Variants in LOXL2 observed in about 807,000 individuals in gnomAD.
The protein encoded by LOXL2 is lysyl oxidase like 2.
A neutral mutation model predicts 93.0 loss-of-function variants in LOXL2; 70 were observed. The ratio of observed to expected loss-of-function variants is 0.75; its 90% CI spans 0.62 to 0.92. LOXL2 has a LOEUF of 0.92. Ranked by LOEUF, LOXL2 falls within the 40% of genes least tolerant of loss-of-function variation. The pLI, the probability that LOXL2 is intolerant of heterozygous loss-of-function variation, is 0.00. For synonymous variants in LOXL2, 438 were observed against 413.2 expected (o/e 1.06, Z -0.73); for missense variants, 973 against 1,054.9 (o/e 0.92, Z 1.08).
At chr8:23,340,290 C>A (rs1803861016) in intron 4 of LOXL2, among the ~76,000 whole-genome samples, 1 of 152,154 alleles carries the variant, frequency 6.6e-6, no homozygotes. Flanking sequence ...GTATTCCTAT[C>A]ATTATTAAGA....
intron 1 of LOXL2, among the ~76,000 whole-genome samples, chr8:23,370,915 T>C (rs1360356659): frequency 6.6e-6 from 1 of 152,130 alleles, no homozygotes; most frequent in Non-Finnish European, 1.5e-5. Context: ...GAGGAAATAA[T>C]GGAAGAAATA....
At chr8:23,299,126 G>A (rs1803085687) in intron 12 of LOXL2, among the ~76,000 whole-genome samples, 179 bp from the exon 13 acceptor site, 1 of 152,198 alleles carries the variant, frequency 6.6e-6, no homozygotes, top group East Asian at 1.9e-4. Flanking sequence ...GAGTCAGGGA[G>A]CAGAGGAAGC....
chr8:23,303,272 G>T lies in LOXL2; in HGVS notation c.1996+10C>A. 1 of 1,576,376 alleles carries T rather than the reference G, an allele frequency of 6.3e-7. No individual in the cohort carries two copies. Among genetic ancestry groups the T allele is most frequent in the Non-Finnish European group, 8.7e-7 (1 of 1,146,246 alleles). ...CTGAGGCCTCCCATCCCCCCACTCCGCTCAGATACCTCCTTCACATTCTGT... is the reference window on the plus strand; with the variant it reads ...CTGAGGCCTCCCATCCCCCCACTCCTCTCAGATACCTCCTTCACATTCTGT... On this transcript the variant is annotated intron_variant, in intron 11 of 13. Transcript: ENST00000389131.
chr8:23,314,072 G>A (rs1803356165), intron 9 of LOXL2, among the ~76,000 whole-genome samples: 1 of 151,408 alleles, frequency 6.6e-6, no homozygotes, highest in Non-Finnish European at 1.5e-5. Flanking sequence ...TCAGAGAAAT[G>A]CAAATCAAAA....
At chr8:23,399,248 A>G (rs966165162) in intron 1 of LOXL2, among the ~76,000 whole-genome samples, 3 of 152,168 alleles carry the variant, frequency 2.0e-5, no homozygotes, top group African/African-American at 7.2e-5. Context: ...CCAGGGGGAA[A>G]TGGACGATGA....
intron 3 of LOXL2, among the ~76,000 whole-genome samples, chr8:23,346,139 A>AT (rs1803973423): frequency 1.1e-5 from 1 of 90,100 alleles, no homozygotes; most frequent in Non-Finnish European, 2.1e-5. Flanking sequence ...AAATAAAATA[A>AT]AATAAATAAA....
chr8:23,353,449 A>T (rs1804130258), intron 3 of LOXL2, among the ~76,000 whole-genome samples: 1 of 152,222 alleles, frequency 6.6e-6, no homozygotes, highest in Non-Finnish European at 1.5e-5. Flanking sequence ...TCTGTTTTAT[A>T]GGACAGTGTC....
chr8:23,386,514 T>C (rs767391477), intron 1 of LOXL2, among the ~76,000 whole-genome samples: 32 of 152,238 alleles, frequency 2.1e-4, no homozygotes, highest in Non-Finnish European at 4.0e-4. Flanking sequence ...TAGACTAATA[T>C]GGCAGACACA....
chr8:23,394,944 T>A (rs530760560), intron 1 of LOXL2, among the ~76,000 whole-genome samples: 13 of 152,232 alleles, frequency 8.5e-5, no homozygotes, highest in African/African-American at 3.1e-4. Flanking sequence ...AGTAACGAGA[T>A]ACTGACACAT....
chr8:23,399,294 C>T (rs1427411701), intron 1 of LOXL2, among the ~76,000 whole-genome samples: 3 of 152,118 alleles, frequency 2.0e-5, no homozygotes, highest in Non-Finnish European at 4.4e-5. Context: ...CAGGCAGCCC[C>T]TGGGAATGGG....
chr8:23,349,944 CTTTG>C (rs1395027764), intron 3 of LOXL2, among the ~76,000 whole-genome samples: 18 of 152,140 alleles, frequency 1.2e-4, no homozygotes, highest in Non-Finnish European at 1.0e-4. Context: ...TCTTTTTATT[CTTTG>C]TTTAATGCAA....
chr8:23,324,282 C>T lies in LOXL2; in HGVS notation c.1151-2001G>A, dbSNP rs561318733. 1.1e-4 allele frequency among the ~76,000 whole-genome samples: 16 copies of T among 152,286 alleles called. No individual in the cohort carries two copies. The South Asian group carries it at 3.1e-3, about 30-fold the overall frequency. ...TGGGGTCAGTCTCCTTGTGGCTGAACGTCTATGTAAACTTGCGTGGCTGTC... is the reference window on the plus strand; with the variant it reads ...TGGGGTCAGTCTCCTTGTGGCTGAATGTCTATGTAAACTTGCGTGGCTGTC... On this transcript the variant is annotated intron_variant, in intron 6 of 13. Transcript: ENST00000389131.
At chr8:23,338,057 G>A (rs1233451217) in intron 4 of LOXL2, among the ~76,000 whole-genome samples, 1 of 152,258 alleles carries the variant, frequency 6.6e-6, no homozygotes, top group East Asian at 1.9e-4. Context: ...GGCAGAAGGT[G>A]AAGGAGGAAC....
chr8:23,355,736 G>A (rs1804187012), intron 3 of LOXL2, among the ~76,000 whole-genome samples: 1 of 150,338 alleles, frequency 6.7e-6, no homozygotes, highest in Non-Finnish European at 1.5e-5. Context: ...CAGCCTCCCA[G>A]GTAGCTGGGA....
intron 6 of LOXL2, among the ~76,000 whole-genome samples, chr8:23,322,551 G>A (rs1270588722): frequency 6.6e-6 from 1 of 152,156 alleles, no homozygotes; most frequent in Non-Finnish European, 1.5e-5. Flanking sequence ...CTGAATACCA[G>A]TTTTCTCTCA....
intron 1 of LOXL2, among the ~76,000 whole-genome samples, chr8:23,393,687 G>A (rs976260764): frequency 2.2e-4 from 34 of 152,004 alleles, no homozygotes; most frequent in African/African-American, 8.0e-4. Flanking sequence ...GAAAATATAC[G>A]TAAATTAAAC....
chr8:23,387,305 C>CG (rs1423461335), intron 1 of LOXL2, among the ~76,000 whole-genome samples: 5 of 152,166 alleles, frequency 3.3e-5, no homozygotes, highest in Non-Finnish European at 7.3e-5. Flanking sequence ...ACTGTGTCCT[C>CG]GGGGGGTATC....
chr8:23,401,693 T>G (rs577177721), intron 1 of LOXL2, among the ~76,000 whole-genome samples: 4 of 152,300 alleles, frequency 2.6e-5, no homozygotes, highest in Admixed American at 2.6e-4. Flanking sequence ...TCGCTGATGG[T>G]CATGTCTATC....
At chr8:23,319,491 C>T (rs1200549856) in intron 8 of LOXL2, among the ~76,000 whole-genome samples, 1 of 152,132 alleles carries the variant, frequency 6.6e-6, no homozygotes, top group Non-Finnish European at 1.5e-5. Flanking sequence ...AGGCGTTTAG[C>T]GGGGGTTGAG....
Sources: gnomAD v4.1 joint callset for allele counts (sites outside exome capture counted in the v4.1 genomes callset) on GRCh38, gnomAD v4.1.1 for gene constraint, MANE v1.5 for transcripts, NCBI Gene and HGNC (gene_info 2026-07-23, HGNC 2026-07-21) for gene names.